CCZ1B: variants seen among roughly 807,000 people sequenced by gnomAD.
CCZ1B encodes vacuolar fusion protein CCZ1 homolog B.
A neutral mutation model predicts 58.8 loss-of-function variants in CCZ1B; 25 were observed. The ratio of observed to expected loss-of-function variants is 0.43; its 90% confidence interval spans 0.31 to 0.59. The LOEUF (loss-of-function observed/expected upper bound fraction) is 0.59, where lower values mean the gene tolerates loss of function less well. CCZ1B is among the 20% of genes least tolerant of loss of function. CCZ1B has a pLI of 0.12. For synonymous variants in CCZ1B, 66 were observed against 173.2 expected (o/e 0.38, Z 4.86); for missense variants, 180 against 501.5 (o/e 0.36, Z 6.12).
chr7:6,820,782 G>A lies in CCZ1B; in HGVS notation c.523-841C>T, dbSNP rs1411032028. 8.1e-5 allele frequency among the ~76,000 whole-genome samples: 12 copies of A among 148,518 alleles called. No homozygotes were observed. The South Asian group carries it at 1.1e-3, about 13-fold the overall frequency. On this transcript the variant is annotated intron_variant, in intron 6 of 14. Coordinates refer to ENST00000316731, the MANE Select transcript of CCZ1B (RefSeq NM_198097.5). The stretch of plus-strand genomic sequence containing the variant: ...AATAAAATTACAACATTAGCCGGGC[G>A]TGGTAGCCTGTAATCCCAACTATTC...
chr7:6,821,883 C>A (rs1359369076), intron 6 of CCZ1B, among the ~76,000 whole-genome samples: 2 of 149,846 alleles, frequency 1.3e-5, no homozygotes, highest in South Asian at 2.1e-4. Context: ...ACAGTTTACG[C>A]CCGTTTAGTG....
intron 10 of CCZ1B, among the ~76,000 whole-genome samples, chr7:6,810,831 C>T (rs1477395329): frequency 1.3e-5 from 2 of 149,492 alleles, no homozygotes; most frequent in South Asian, 2.1e-4. Flanking sequence ...ATGTTTCTTT[C>T]GAGACCTCTA....
At chr7:6,818,643 AAGAAAGACAGAAAGAAAGAC>A (rs1783052583) in intron 7 of CCZ1B, among the ~76,000 whole-genome samples, 1 of 142,218 alleles carries the variant, frequency 7.0e-6, no homozygotes, top group African/African-American at 2.7e-5. Context: ...ACAAGAAAGA[AAGAAAGACAGAAAGAAAGAC>A]AGACAGAAAG....
At chr7:6,818,266 A>G (rs1428864852) in intron 7 of CCZ1B, among the ~76,000 whole-genome samples, 1 of 149,942 alleles carries the variant, frequency 6.7e-6, no homozygotes, top group Non-Finnish European at 1.5e-5. Context: ...AAACGGGGCT[A>G]GGCCAGGTGC....
At chr7:6,823,047 T>C (rs7789081) in intron 5 of CCZ1B, among the ~76,000 whole-genome samples, 75,083 of 145,196 alleles carry the variant, frequency 0.52, 20,796 homozygotes, top group South Asian at 0.8. Context: ...GCATTCTGTA[T>C]GTTCCTTGAG....
intron 9 of CCZ1B, chr7:6,812,450 C>G: frequency 3.9e-6 from 1 of 256,942 alleles, no homozygotes; most frequent in South Asian, 3.9e-5. Context: ...GATCGTGCCA[C>G]TGTACTCCAC....
intron 7 of CCZ1B, among the ~76,000 whole-genome samples, chr7:6,818,858 CAG>C (rs1240009605): frequency 6.7e-6 from 1 of 148,858 alleles, no homozygotes; most frequent in African/African-American, 2.5e-5. Flanking sequence ...ACCCAGCTCT[CAG>C]GGGTCATATA....
chr7:6,812,221 G>A (rs1213346533), intron 9 of CCZ1B, 158 bp from the exon 10 acceptor site: 21 of 710,460 alleles, frequency 3.0e-5, no homozygotes, highest in East Asian at 5.5e-5. Flanking sequence ...GGGCGTGGTG[G>A]CTCATGCCTG....
At position 6,814,815 on chromosome 7, in the gene CCZ1B, A is replaced by T. The variant is rs1291621415; in HGVS notation, c.729T>A (p.Ile243=). Residue 243 remains isoleucine, a synonymous_variant, in exon 8 of 15, where the codon ATT becomes ATA. Coordinates refer to ENST00000316731, the MANE Select transcript of CCZ1B (RefSeq NM_198097.5). The part of the protein sequence containing the change: ...WSGLEQDDMR[I]LYKYLTTSLF... ...GGGAGGTGGTAAGGTATTTGTATAAAATTCTCATGTCATCTTGTTCTAATC... is the reference window on the plus strand; with the variant it reads ...GGGAGGTGGTAAGGTATTTGTATAATATTCTCATGTCATCTTGTTCTAATC... 5 of 1,606,886 alleles carry T rather than the reference A, an allele frequency of 3.1e-6. No homozygotes were observed. The highest frequency in any genetic ancestry group is 4.2e-6 in the Non-Finnish European group (5 of 1,178,116).
At chr7:6,812,903 G>C in intron 9 of CCZ1B, 73 bp downstream of exon 9, 2 of 1,542,014 alleles carry the variant, frequency 1.3e-6, no homozygotes, top group Non-Finnish European at 1.8e-6. Context: ...CTCCAGCCTG[G>C]GTAACAGAGC....
intron 1 of CCZ1B, among the ~76,000 whole-genome samples, chr7:6,825,346 C>T (rs1427581208): frequency 6.8e-6 from 1 of 147,058 alleles, no homozygotes; most frequent in Non-Finnish European, 1.5e-5. Context: ...TCAAGCGATC[C>T]TCTGGCCTCA....
intron 12 of CCZ1B, among the ~76,000 whole-genome samples, chr7:6,803,857 G>A (rs1325734267): frequency 2.0e-5 from 3 of 150,776 alleles, no homozygotes; most frequent in African/African-American, 7.3e-5. Context: ...GCTGAGGCAG[G>A]AGAATCGCTT....
rs1313007924 is a variant in CCZ1B, at chr7:6,823,427, C to T, written c.391-67G>A. On this transcript the variant is annotated intron_variant, in intron 4 of 14. Coordinates refer to ENST00000316731, the MANE Select transcript of CCZ1B (RefSeq NM_198097.5). Reference sequence around the variant, plus strand: ...AAAACAATGTCTACTGGATAGATGGCAAAGGTACACTGACTCTTGGCCAAA... The same window carrying T: ...AAAACAATGTCTACTGGATAGATGGTAAAGGTACACTGACTCTTGGCCAAA... 53 of 1,585,190 alleles carry T rather than the reference C, an allele frequency of 3.3e-5. 2 individuals carry two copies. Among genetic ancestry groups the T allele is most frequent in the Middle Eastern group, 3.3e-4 (2 of 5,974 alleles).
At position 6,824,791 on chromosome 7, in the gene CCZ1B, T is replaced by A. The variant is rs1783168672; in HGVS notation, c.121-54A>T. On this transcript the variant is annotated intron_variant, in intron 1 of 14. Transcript: ENST00000316731. ...ATGAATAGAAACATTTCATCTTAGC[T>A]ATTGAAAACGCTAAGTTCAATGTCG... The A allele has an allele frequency of 6.0e-6, 9 of 1,493,490 alleles. No homozygotes were observed. In the South Asian group the frequency reaches 8.8e-5, roughly 15 times the overall value. The allele number at this position is 1,493,490 out of a possible 1,614,324, so 92.5% of individuals were successfully genotyped here. A position where few individuals can be genotyped will look rare whatever the true frequency, so the allele number is the denominator to read the frequency against.
At chr7:6,814,265 A>G (rs59389962) in intron 8 of CCZ1B, among the ~76,000 whole-genome samples, 5,518 of 149,176 alleles carry the variant, frequency 0.037, 401 homozygotes, top group African/African-American at 0.082. Context: ...GACTGGGGGC[A>G]GTGGCTCACG....
rs1057339797 is a variant in CCZ1B, at chr7:6,815,074, G to A, written c.699-229C>T. Among the ~76,000 whole-genome samples, 12 of 148,508 alleles carry A rather than the reference G, an allele frequency of 8.1e-5. 1 individual carries two copies. Among genetic ancestry groups the A allele is most frequent in the African/African-American group, 2.5e-4 (10 of 39,310 alleles). ...TCCTAAACATAATTCTTAGCATTGA[G>A]GTAAATCTGAATTTACGTGGTATAC... On this transcript the variant is annotated intron_variant, in intron 7 of 14. Transcript: ENST00000316731.
chr7:6,807,887 A>G (rs1269898974), intron 10 of CCZ1B, among the ~76,000 whole-genome samples: 1 of 97,306 alleles, frequency 1.0e-5, no homozygotes, highest in African/African-American at 3.6e-5. Flanking sequence ...TTAGTGTTCC[A>G]ATAATGGAAC....
At chr7:6,809,404 C>T (rs376866441) in intron 10 of CCZ1B, among the ~76,000 whole-genome samples, 60 of 143,852 alleles carry the variant, frequency 4.2e-4, no homozygotes, top group Non-Finnish European at 6.3e-4. Flanking sequence ...ATAGCCACAA[C>T]CCCATCATCA....
intron 10 of CCZ1B, among the ~76,000 whole-genome samples, chr7:6,810,910 C>CTA (rs1172469606): frequency 6.7e-6 from 1 of 150,116 alleles, no homozygotes; most frequent in Non-Finnish European, 1.5e-5. Flanking sequence ...AGGCTTCACT[C>CTA]TGAGTGTAGG....
Sources: allele counts gnomAD v4.1 joint callset (sites outside exome capture counted in the v4.1 genomes callset), GRCh38; gene constraint gnomAD v4.1.1; transcripts MANE v1.5; gene names NCBI Gene and HGNC (gene_info 2026-07-23, HGNC 2026-07-21).